Variants in CPNE8 observed in about 807,000 individuals in gnomAD.
The protein encoded by CPNE8 is copine 8, also known as copine-8.
In CPNE8, 45 loss-of-function variants were observed where a neutral mutation model predicts 81.5. The ratio of observed to expected loss-of-function variants is 0.55; its 90% CI spans 0.44 to 0.71. The LOEUF (loss-of-function observed/expected upper bound fraction) is 0.71. Among genes scored for constraint, CPNE8 ranks in the 30% least tolerant of loss-of-function variants. The pLI, the probability that CPNE8 is intolerant of heterozygous loss-of-function variation, is 0.00. For missense variants in CPNE8, 594 were observed against 672.1 expected (o/e 0.88, Z 1.28); for synonymous variants, 252 against 226.3 (o/e 1.11, Z -1.02).
chr12:38,688,203 T>C (rs1440235718), intron 15 of CPNE8, among the ~76,000 whole-genome samples: 1 of 152,170 alleles, frequency 6.6e-6, no homozygotes, highest in Admixed American at 6.6e-5. Context: ...TTCTCTGGAA[T>C]TGAAACTACA....
At chr12:38,656,212 T>G (rs1231882051) in intron 19 of CPNE8, among the ~76,000 whole-genome samples, 1 of 151,724 alleles carries the variant, frequency 6.6e-6, no homozygotes, top group African/African-American at 2.4e-5. Flanking sequence ...AGAAAATATA[T>G]CTAATTGTAA....
intron 1 of CPNE8, 141 bp downstream of exon 1, chr12:38,905,296 C>G: frequency 1.1e-6 from 1 of 934,274 alleles, no homozygotes; most frequent in Admixed American, 2.3e-5. Flanking sequence ...CGGGGTAACT[C>G]CAGCCCCACT....
chr12:38,905,516 T>G lies in CPNE8; in HGVS notation c.19A>C (p.Ser7Arg). Residue 7 changes from serine to arginine, a missense_variant, in exon 1 of 20, where the codon AGC (serine) becomes CGC (arginine). Coordinates refer to ENST00000331366, the MANE Select transcript of CPNE8 (RefSeq NM_153634.3). ...TTCAAGTCCCCGATGCCCGCAGTGC[T>G]GTTGTAGCGGCTGTCCATATTGGGA... Reference protein sequence around the residue: MDSRYNSTAGIGDLNQL... With the variant: MDSRYNRTAGIGDLNQL... The G allele has an allele frequency of 1.3e-6, 2 of 1,568,874 alleles. No homozygotes were observed. The highest frequency in any genetic ancestry group is 1.7e-6 in the Non-Finnish European group (2 of 1,156,824).
chr12:38,862,606 T>C (rs1159953122), intron 3 of CPNE8, among the ~76,000 whole-genome samples: 1 of 152,134 alleles, frequency 6.6e-6, no homozygotes, highest in Admixed American at 6.5e-5. Flanking sequence ...AAAATGCATA[T>C]ATTAGAAAAA....
chr12:38,714,531 C>T (rs564475926), intron 13 of CPNE8, among the ~76,000 whole-genome samples: 9 of 151,934 alleles, frequency 5.9e-5, no homozygotes, highest in African/African-American at 1.7e-4. Flanking sequence ...TAACAAAGCT[C>T]CTTTATGAAT....
At chr12:38,662,285 A>G (rs1171390508) in intron 19 of CPNE8, among the ~76,000 whole-genome samples, 8 of 152,162 alleles carry the variant, frequency 5.3e-5, no homozygotes, top group Non-Finnish European at 1.0e-4. Flanking sequence ...AACTGTCGGA[A>G]CTAATAAGTG....
intron 16 of CPNE8, among the ~76,000 whole-genome samples, chr12:38,678,376 T>A (rs1939338110): frequency 6.6e-6 from 1 of 152,018 alleles, no homozygotes; most frequent in Non-Finnish European, 1.5e-5. Flanking sequence ...TTCTACATTC[T>A]AGATATCTAG....
intron 6 of CPNE8, among the ~76,000 whole-genome samples, chr12:38,806,831 C>G (rs1942818387): frequency 6.7e-6 from 1 of 149,842 alleles, no homozygotes; most frequent in South Asian, 2.2e-4. Context: ...TTGCAGATGA[C>G]ATGCTGGTAT....
intron 13 of CPNE8, 133 bp downstream of exon 13, chr12:38,723,639 C>G (rs1168994641): frequency 2.9e-6 from 2 of 678,688 alleles, no homozygotes; most frequent in East Asian, 5.3e-5. Context: ...ATATCTGAAA[C>G]AGAAGTCTAA....
chr12:38,839,659 A>G (rs1300526315), intron 5 of CPNE8, among the ~76,000 whole-genome samples: 2 of 152,274 alleles, frequency 1.3e-5, no homozygotes, highest in South Asian at 2.1e-4. Context: ...ATCACTGGGA[A>G]CTGTAATCAT....
At chr12:38,858,038 T>C (rs1943773088) in intron 3 of CPNE8, among the ~76,000 whole-genome samples, 1 of 152,238 alleles carries the variant, frequency 6.6e-6, no homozygotes, top group South Asian at 2.1e-4. Context: ...TAAATCCTTT[T>C]GAAAACTCTG....
At chr12:38,738,928 C>T (rs139199148) in intron 10 of CPNE8, among the ~76,000 whole-genome samples, 1,966 of 151,846 alleles carry the variant, frequency 0.013, 29 homozygotes, top group South Asian at 0.042. Context: ...ATCCTCCTGC[C>T]TCAGCCTCCC....
At chr12:38,676,350 G>C in intron 17 of CPNE8, 1 of 975,204 alleles carries the variant, frequency 1.0e-6, no homozygotes, top group Non-Finnish European at 1.2e-6. Context: ...CAAATAGAAG[G>C]TAAGGAGCAT....
intron 13 of CPNE8, among the ~76,000 whole-genome samples, chr12:38,710,007 T>C (rs1327696088): frequency 2.6e-5 from 4 of 152,042 alleles, no homozygotes; most frequent in Admixed American, 2.6e-4. Context: ...ACAAGAGATA[T>C]GATCCCTCAA....
chr12:38,737,869 C>T (rs1371593646), intron 10 of CPNE8, among the ~76,000 whole-genome samples: 2 of 151,988 alleles, frequency 1.3e-5, no homozygotes, highest in Admixed American at 1.3e-4. Context: ...ACACAAAACC[C>T]CCAGCGTGAA....
At chr12:38,742,711 T>TAAAAAAAA (rs59403727) in intron 10 of CPNE8, among the ~76,000 whole-genome samples, 2 of 145,474 alleles carry the variant, frequency 1.4e-5, no homozygotes, top group South Asian at 4.4e-4. Flanking sequence ...AATAAATAAA[T>TAAAAAAAA]ATAAAACATA....
intron 4 of CPNE8, among the ~76,000 whole-genome samples, chr12:38,846,538 A>G (rs1943563391): frequency 6.6e-6 from 1 of 152,140 alleles, no homozygotes. Context: ...TTAGGGTTAC[A>G]TTGGACCGGT....
chr12:38,770,110 C>T (rs1592073669), intron 7 of CPNE8, among the ~76,000 whole-genome samples: 6 of 152,074 alleles, frequency 3.9e-5, no homozygotes, highest in Admixed American at 1.3e-4. Context: ...TTTTTTAAGA[C>T]CTCTCTTTAA....
At chr12:38,860,764 T>G (rs1943819327) in intron 3 of CPNE8, among the ~76,000 whole-genome samples, 1 of 152,156 alleles carries the variant, frequency 6.6e-6, no homozygotes, top group South Asian at 2.1e-4. Flanking sequence ...AGATACTACA[T>G]AATATCACTT....
Sources: allele counts gnomAD v4.1 joint callset (sites outside exome capture counted in the v4.1 genomes callset), GRCh38; gene constraint gnomAD v4.1.1; transcripts MANE v1.5; gene names NCBI Gene and HGNC (gene_info 2026-07-23, HGNC 2026-07-21).